The following LMBRD2 variants were observed in gnomAD, a reference collection of about 807,000 sequenced individuals.
LMBRD2 encodes the protein G protein-coupled receptor-associated protein LMBRD2.
Under a neutral mutation model 94.4 loss-of-function variants are expected in LMBRD2, and 55 were observed. The observed-to-expected ratio is 0.58, with a 90% CI of 0.47 to 0.73. LMBRD2 has a LOEUF of 0.73. LMBRD2 is among the 30% of genes least tolerant of loss of function. The pLI, the probability that LMBRD2 is intolerant of heterozygous loss-of-function variation, is 0.00. For missense variants in LMBRD2, 640 were observed against 831.9 expected (o/e 0.77, Z 2.84); for synonymous variants, 246 against 272.4 (o/e 0.90, Z 0.95).
intron 4 of LMBRD2, 83 bp from the exon 5 acceptor site, chr5:36,137,524 C>A: frequency 1.2e-6 from 1 of 819,896 alleles, no homozygotes; most frequent in South Asian, 2.8e-5. Flanking sequence ...ATATATGAAT[C>A]TCAATTTTAA....
chr5:36,120,015 CTCTT>C lies in LMBRD2; in HGVS notation c.1121-2103_1121-2100del, dbSNP rs201546064. On this transcript the variant is annotated intron_variant, in intron 9 of 17. Transcript: ENST00000296603. ...CTTTTCTTTCTCTTTCTTTCTTTCT[CTCTT>C]TCTTTCTTTTTGTCTTTCTTTTCTT... Among the ~76,000 whole-genome samples the C allele has an allele frequency of 8.7e-3, 1,301 of 150,292 alleles. 9 individuals carry two copies. Among genetic ancestry groups the C allele is most frequent in the African/African-American group, 0.025 (1,024 of 41,182 alleles).
chr5:36,105,018 T>C (rs1743430173), intron 17 of LMBRD2, 50 bp downstream of exon 17: 1 of 1,572,164 alleles, frequency 6.4e-7, no homozygotes. Flanking sequence ...CAATGTGTTA[T>C]TAAAAGTGTA....
chr5:36,099,966 G>A lies in LMBRD2; in HGVS notation c.*4080C>T, dbSNP rs1346455656. Reference sequence around the variant, plus strand: ...AGCAGGACTACGGCCTGCCCTACTGGAGGAAATTGCTCCTAGGGCCTTGTC... The same window carrying A: ...AGCAGGACTACGGCCTGCCCTACTGAAGGAAATTGCTCCTAGGGCCTTGTC... On this transcript the variant is annotated 3_prime_UTR_variant, in exon 18 of 18. Transcript: ENST00000296603. 6.6e-6 allele frequency: 1 copy of A among 152,058 alleles called. No individual in the cohort carries two copies. Among genetic ancestry groups the A allele is most frequent in the Admixed American group, 6.6e-5 (1 of 15,256 alleles). The allele number at this position is 152,058 out of a possible 1,614,324, so 9.4% of individuals were successfully genotyped here. A position where few individuals can be genotyped will look rare whatever the true frequency, so the allele number is the denominator to read the frequency against.
chr5:36,139,236 G>A (rs1354301663), intron 4 of LMBRD2, among the ~76,000 whole-genome samples: 2 of 152,252 alleles, frequency 1.3e-5, no homozygotes. Context: ...CTAGCTGGGT[G>A]TGCACACATG....
rs1456322368 is a variant in LMBRD2, at chr5:36,120,329, C to A, written c.1120+1951G>T. On this transcript the variant is annotated intron_variant, in intron 9 of 17. Coordinates refer to ENST00000296603, the MANE Select transcript of LMBRD2 (RefSeq NM_001007527.2). ...GTAGGCTGGAGTGCAGTGGCACAAT[C>A]TCGGCTCACTGCAACCTCCGCCTCC... Among the ~76,000 whole-genome samples the A allele has an allele frequency of 2.0e-5, 3 of 152,160 alleles. No individual in the cohort carries two copies. In the East Asian group the frequency reaches 5.8e-4, roughly 29 times the overall value.
intron 6 of LMBRD2, among the ~76,000 whole-genome samples, chr5:36,127,239 G>A (rs1744028205): frequency 6.6e-6 from 1 of 152,180 alleles, no homozygotes; most frequent in Non-Finnish European, 1.5e-5. Context: ...TAAGTTTCCA[G>A]ATATTCAGAA....
intron 4 of LMBRD2, 38 bp downstream of exon 4, chr5:36,141,069 C>A (rs372297484): frequency 1.7e-4 from 193 of 1,165,802 alleles, no homozygotes; most frequent in Non-Finnish European, 2.4e-4. Flanking sequence ...ATTCCTTTAG[C>A]CAAAATTTTA....
rs56769033 is a variant in LMBRD2 at position 36,119,171 on chromosome 5, C to A, written c.1121-1255G>T. On this transcript the variant is annotated intron_variant, in intron 9 of 17. Coordinates refer to ENST00000296603, the MANE Select transcript of LMBRD2 (RefSeq NM_001007527.2). ...ATTTCAATATCCACATAAATGATTC[C>A]CCTTTCAATACCCTTATCTCTCATT... Among the ~76,000 whole-genome samples, 1,137 of 152,138 alleles carry A rather than the reference C, an allele frequency of 7.5e-3. 9 individuals are homozygous for A. Among genetic ancestry groups the A allele is most frequent in the African/African-American group, 0.025 (1,037 of 41,506 alleles).
chr5:36,137,157 A>G (rs1744290793), intron 5 of LMBRD2, 117 bp downstream of exon 5: 4 of 624,544 alleles, frequency 6.4e-6, no homozygotes, highest in Non-Finnish European at 1.0e-5. Context: ...TCCATAAAAT[A>G]TGTAACAATA....
chr5:36,136,780 C>T, intron 5 of LMBRD2, among the ~76,000 whole-genome samples: 1 of 152,086 alleles, frequency 6.6e-6, no homozygotes, highest in Non-Finnish European at 1.5e-5. Flanking sequence ...CTCAGGAATA[C>T]AATAGTGAGA....
At chr5:36,126,920 A>G (rs1226039712) in intron 6 of LMBRD2, among the ~76,000 whole-genome samples, 1 of 152,216 alleles carries the variant, frequency 6.6e-6, no homozygotes, top group Non-Finnish European at 1.5e-5. Flanking sequence ...GCTCAAACTA[A>G]TTTGGTTTTA....
chr5:36,110,786 A>G (rs1448061783), intron 14 of LMBRD2, among the ~76,000 whole-genome samples: 2 of 152,188 alleles, frequency 1.3e-5, no homozygotes, highest in Admixed American at 1.3e-4. Context: ...TGTTTGAATG[A>G]TTTCCCATGC....
chr5:36,142,692 T>G, intron 2 of LMBRD2, 93 bp from the exon 3 acceptor site: 1 of 712,188 alleles, frequency 1.4e-6, no homozygotes, highest in Non-Finnish European at 2.5e-6. Context: ...CTATCTAAAC[T>G]TACCTTCTTG....
chr5:36,147,913 GATTCATC>G (rs771814640), intron 1 of LMBRD2: 1 of 424,706 alleles, frequency 2.4e-6, no homozygotes, highest in Non-Finnish European at 4.8e-6. Context: ...GGAACCTAAT[GATTCATC>G]ATTCTCAAAT....
chr5:36,098,877 A>G lies in LMBRD2; in HGVS notation c.*5169T>C, dbSNP rs1743294307. 1 of 152,100 alleles carries G rather than the reference A, an allele frequency of 6.6e-6. No individual in the cohort carries two copies. The highest frequency in any genetic ancestry group is 2.4e-5 in the African/African-American group (1 of 41,444). 9.4% of individuals were successfully genotyped at this position (152,100 alleles called of 1,614,324 possible). A position where few individuals can be genotyped will look rare whatever the true frequency, so the allele number is the denominator to read the frequency against. On this transcript the variant is annotated 3_prime_UTR_variant, in exon 18 of 18. Coordinates refer to ENST00000296603, the MANE Select transcript of LMBRD2 (RefSeq NM_001007527.2). The stretch of plus-strand genomic sequence containing the variant: ...CAGATAGTAAAACATTTGTCATTAC[A>G]TATCAGGTGGCAATGGCTAACTAAA...
At chr5:36,142,200 G>C (rs1471374558) in intron 3 of LMBRD2, among the ~76,000 whole-genome samples, 1 of 152,068 alleles carries the variant, frequency 6.6e-6, no homozygotes, top group Non-Finnish European at 1.5e-5. Context: ...TAGGCTGAGA[G>C]GAAAAACAGG....
At position 36,105,164 on chromosome 5, in the gene LMBRD2, G is replaced by C; in HGVS notation, c.1931C>G (p.Thr644Ser). Reference sequence around the variant, plus strand: ...GAGAAGTTCTATCCGGTCCCTTTCAGTCCTGTTATTAGCCCTGGTATATTT... The same window carrying C: ...GAGAAGTTCTATCCGGTCCCTTTCACTCCTGTTATTAGCCCTGGTATATTT... ...AFKYTRANNR[T>S]ERDRIELLQD... is the part of the protein sequence containing the mutation. The change falls in exon 17 of 18, where the codon ACT becomes AGT. Residue 644 changes from threonine to serine, a missense_variant. Coordinates refer to ENST00000296603, the MANE Select transcript of LMBRD2 (RefSeq NM_001007527.2). 1 of 1,612,666 alleles carries C rather than the reference G, an allele frequency of 6.2e-7. No individual in the cohort carries two copies. The highest frequency in any genetic ancestry group is 8.5e-7 in the Non-Finnish European group (1 of 1,179,000).
At chr5:36,146,923 T>TGTTA (rs1554083536) in intron 1 of LMBRD2, among the ~76,000 whole-genome samples, 3 of 128,442 alleles carry the variant, frequency 2.3e-5, no homozygotes, top group African/African-American at 4.0e-5. Flanking sequence ...TCTCTCTGCG[T>TGTTA]GTGTGTGTGT....
At chr5:36,138,835 T>C (rs1744334159) in intron 4 of LMBRD2, among the ~76,000 whole-genome samples, 1 of 152,218 alleles carries the variant, frequency 6.6e-6, no homozygotes, top group Non-Finnish European at 1.5e-5. Flanking sequence ...TGTGCATGCT[T>C]CGTTGAAATT....
Sources: allele counts gnomAD v4.1 joint callset (sites outside exome capture counted in the v4.1 genomes callset), GRCh38; gene constraint gnomAD v4.1.1; transcripts MANE v1.5; gene names NCBI Gene and HGNC (gene_info 2026-07-23, HGNC 2026-07-21).